Variants in PGCKA1 observed in about 807,000 individuals in gnomAD.
PGCKA1 encodes PDCD10 and GCKIII kinases-associated protein 1.
At chr4:37,519,670 C>T in the PGCKA1 span, among the ~76,000 whole-genome samples, 6 of 152,078 alleles carry the variant, frequency 3.9e-5, no homozygotes, top group East Asian at 1.9e-4. Context: ...TTGTGGAGTC[C>T]TTAGGTTTTT....
At chr4:37,593,229 T>C in the PGCKA1 span, among the ~76,000 whole-genome samples, 1 of 152,214 alleles carries the variant, frequency 6.6e-6, no homozygotes, top group Non-Finnish European at 1.5e-5. Context: ...TTCAGTTGTA[T>C]GGGACGAGTG....
chr4:37,515,938 A>T, the PGCKA1 span, among the ~76,000 whole-genome samples: 1 of 152,218 alleles, frequency 6.6e-6, no homozygotes, highest in African/African-American at 2.4e-5. Context: ...CTTAGGCCAA[A>T]ATAAAACCTC....
the PGCKA1 span, among the ~76,000 whole-genome samples, chr4:37,523,834 T>C: frequency 6.6e-6 from 1 of 152,152 alleles, no homozygotes; most frequent in Admixed American, 6.5e-5. Context: ...TCACATGGCC[T>C]TCCTTGGTGG....
chr4:37,575,006 C>A, the PGCKA1 span, among the ~76,000 whole-genome samples: 1 of 150,380 alleles, frequency 6.6e-6, no homozygotes, highest in African/African-American at 2.4e-5. Flanking sequence ...TTTCTTTATT[C>A]ATTCTTCTGT....
At chr4:37,502,349 C>A in the PGCKA1 span, among the ~76,000 whole-genome samples, 1 of 152,184 alleles carries the variant, frequency 6.6e-6, no homozygotes, top group African/African-American at 2.4e-5. Context: ...TGGAGGCCCC[C>A]CAGTTGGCAA....
the PGCKA1 span, among the ~76,000 whole-genome samples, chr4:37,540,163 CCT>C: frequency 6.6e-6 from 1 of 152,082 alleles, no homozygotes; most frequent in Non-Finnish European, 1.5e-5. Flanking sequence ...GACCTTTTTT[CCT>C]CTCTTTTTCC....
the PGCKA1 span, among the ~76,000 whole-genome samples, chr4:37,488,608 G>C: frequency 6.6e-6 from 1 of 152,102 alleles, no homozygotes; most frequent in South Asian, 2.1e-4. Context: ...CTGAATCTAA[G>C]TCAGTGTGGG....
the PGCKA1 span, among the ~76,000 whole-genome samples, chr4:37,482,434 C>T: frequency 6.6e-6 from 1 of 152,078 alleles, no homozygotes; most frequent in South Asian, 2.1e-4. Flanking sequence ...TGCATTTTGC[C>T]CCTGCCCTGG....
the PGCKA1 span, among the ~76,000 whole-genome samples, chr4:37,556,235 T>C: frequency 3.0e-3 from 450 of 151,128 alleles, 2 homozygotes; most frequent in Non-Finnish European, 5.0e-3. Context: ...AGTTTTTCTT[T>C]TTTATTTTCT....
At chr4:37,464,011 C>T in the PGCKA1 span, among the ~76,000 whole-genome samples, 1 of 151,992 alleles carries the variant, frequency 6.6e-6, no homozygotes, top group Non-Finnish European at 1.5e-5. Context: ...ACACCCGCGC[C>T]CATAAGTCAG....
At chr4:37,590,053 G>A in the PGCKA1 span, 5 of 1,500,838 alleles carry the variant, frequency 3.3e-6, no homozygotes, top group South Asian at 3.7e-5. Context: ...TAATGATGGA[G>A]CAGACCTGAC....
At chr4:37,583,672 C>T in the PGCKA1 span, among the ~76,000 whole-genome samples, 5 of 152,086 alleles carry the variant, frequency 3.3e-5, no homozygotes, top group Admixed American at 3.3e-4. Context: ...CTCCTGACCT[C>T]GTGATAGCCT....
At chr4:37,543,694 C>T in the PGCKA1 span, among the ~76,000 whole-genome samples, 1 of 151,112 alleles carries the variant, frequency 6.6e-6, no homozygotes, top group Admixed American at 6.6e-5. Context: ...ATTAGCCGGG[C>T]GTGGTGGCGG....
chr4:37,511,505 A>G, the PGCKA1 span, among the ~76,000 whole-genome samples: 6,203 of 152,206 alleles, frequency 0.041, 159 homozygotes, highest in Middle Eastern at 0.082. Flanking sequence ...TCCAAGGGCT[A>G]GGTCCCGGAA....
the PGCKA1 span, among the ~76,000 whole-genome samples, chr4:37,466,752 A>G: frequency 1.3e-5 from 2 of 152,164 alleles, no homozygotes; most frequent in Non-Finnish European, 2.9e-5. Context: ...TGGGTATACA[A>G]GTTTTCTTGC....
chr4:37,560,458 T>C, the PGCKA1 span, among the ~76,000 whole-genome samples: 1 of 152,182 alleles, frequency 6.6e-6, no homozygotes, highest in African/African-American at 2.4e-5. Context: ...CGGGCACTGC[T>C]GGGAGAGGGA....
chr4:37,525,150 G>A, the PGCKA1 span, among the ~76,000 whole-genome samples: 1 of 152,154 alleles, frequency 6.6e-6, no homozygotes, highest in Non-Finnish European at 1.5e-5. Flanking sequence ...GTAATGCAGA[G>A]GAGGAGAACT....
chr4:37,545,776 T>C, the PGCKA1 span, among the ~76,000 whole-genome samples: 1 of 151,938 alleles, frequency 6.6e-6, no homozygotes, highest in Non-Finnish European at 1.5e-5. Context: ...CTCTGTATAT[T>C]GTCCTCCTGC....
the PGCKA1 span, among the ~76,000 whole-genome samples, chr4:37,545,150 C>G: frequency 1.3e-5 from 2 of 152,136 alleles, no homozygotes; most frequent in African/African-American, 4.8e-5. Flanking sequence ...GCCACCGCGC[C>G]TGGCCAGGTT....
Sources: allele counts gnomAD v4.1 joint callset (sites outside exome capture counted in the v4.1 genomes callset), GRCh38; gene constraint gnomAD v4.1.1; transcripts MANE v1.5; gene names NCBI Gene and HGNC (gene_info 2026-07-23, HGNC 2026-07-21).